Variants in FAP observed in about 807,000 individuals in gnomAD.
The protein encoded by FAP is fibroblast activation protein alpha.
In FAP, 110 loss-of-function variants were observed where a neutral mutation model predicts 126.5. The ratio of observed to expected loss-of-function variants is 0.87; its 90% CI spans 0.74 to 1.02. The LOEUF (loss-of-function observed/expected upper bound fraction) is 1.02. Among genes scored for constraint, FAP ranks in the 50% least tolerant of loss-of-function variants. FAP has a pLI of 0.00. For missense variants in FAP, 919 were observed against 909.2 expected, an observed-to-expected ratio of 1.01 and a Z score of -0.14; for synonymous variants, 334 against 297.3, an observed-to-expected ratio of 1.12 and a Z score of -1.27.
chr2:162,196,587 G>A (rs551988098), intron 16 of FAP, among the ~76,000 whole-genome samples: 2 of 150,700 alleles, frequency 1.3e-5, no homozygotes, highest in Non-Finnish European at 2.9e-5. Flanking sequence ...ACTGGATGAA[G>A]GTGTGATCCT....
At chr2:162,201,831 G>C (rs966900458) in intron 14 of FAP, among the ~76,000 whole-genome samples, 1 of 152,252 alleles carries the variant, frequency 6.6e-6, no homozygotes, top group East Asian at 1.9e-4. Flanking sequence ...TCTAGTTCAG[G>C]CCTCTTATGA....
At chr2:162,187,358 T>C (rs1687897599) in intron 20 of FAP, among the ~76,000 whole-genome samples, 1 of 152,094 alleles carries the variant, frequency 6.6e-6, no homozygotes, top group Non-Finnish European at 1.5e-5. Flanking sequence ...TGCACATATA[T>C]TCACGACTGA....
intron 21 of FAP, among the ~76,000 whole-genome samples, chr2:162,180,381 G>A (rs1378842715): frequency 3.3e-5 from 5 of 152,102 alleles, no homozygotes; most frequent in Non-Finnish European, 7.3e-5. Context: ...CGAAACCTGT[G>A]GTCCATGGAC....
chr2:162,236,575 T>C (rs1690140564), intron 2 of FAP, among the ~76,000 whole-genome samples: 1 of 152,010 alleles, frequency 6.6e-6, no homozygotes, highest in Admixed American at 6.6e-5. Context: ...CCTATTTCAA[T>C]GTGCCTATTT....
At chr2:162,175,864 G>A (rs556640821) in intron 21 of FAP, 2 of 152,262 alleles carry the variant, frequency 1.3e-5, no homozygotes, top group Non-Finnish European at 2.9e-5. Flanking sequence ...CAAACATGCT[G>A]TGAGAGAGGT....
intron 2 of FAP, among the ~76,000 whole-genome samples, chr2:162,233,834 A>G (rs551025500): frequency 1.3e-5 from 2 of 152,172 alleles, no homozygotes; most frequent in African/African-American, 2.4e-5. Flanking sequence ...TAAGAGTTTT[A>G]TAGTTTTTAG....
chr2:162,185,657 T>C (rs899349268), intron 20 of FAP, among the ~76,000 whole-genome samples: 1 of 152,172 alleles, frequency 6.6e-6, no homozygotes, highest in East Asian at 1.9e-4. Context: ...TTGAGTAGTA[T>C]TTACTGTTGT....
chr2:162,215,938 C>A lies in FAP; in HGVS notation c.826G>T (p.Gly276Cys). ...IIDTTYPAYVGPQEVPVPAMI... is the reference protein window; with the variant it reads ...IIDTTYPAYVCPQEVPVPAMI... ...GCTGGAACAGGCACTTCCTGGGGAC[C>A]TACATACGCAGGGTAAGTGGTATCG... Residue 276 changes from glycine (G) to cysteine (C), a missense_variant, in exon 10 of 26, where the codon GGT (glycine) becomes TGT (cysteine). Gly to Cys is a radical substitution (Grantham distance 159, BLOSUM62 -3). Coordinates refer to ENST00000188790, the MANE Select transcript of FAP (RefSeq NM_004460.5). 6.2e-7 allele frequency: 1 copy of A among 1,614,012 alleles called. No individual in the cohort carries two copies. Among genetic ancestry groups the A allele is most frequent in the Admixed American group, 1.7e-5 (1 of 60,018 alleles).
rs751469886 is a variant in FAP at position 162,203,114 on chromosome 2, T to A, written c.1079A>T (p.Asp360Val). 6.2e-7 allele frequency: 1 copy of A among 1,613,190 alleles called. No homozygotes were observed. Among genetic ancestry groups the A allele is most frequent in the East Asian group, 2.2e-5 (1 of 44,856 alleles). The change falls in exon 13 of 26, where the codon GAT becomes GTT. Residue 360 changes from aspartate to valine, a missense_variant. Transcript: ENST00000188790. ...FFVSTPVFSY[D>V]AISYYKIFSD... ...AAATATTTTGTAGTACGAAATGGCA[T>A]CATAGCTGAAAACTGGTGTTGAAAC...
intron 21 of FAP, among the ~76,000 whole-genome samples, chr2:162,178,023 C>T (rs1199994609): frequency 6.6e-6 from 1 of 152,138 alleles, no homozygotes; most frequent in East Asian, 1.9e-4. Flanking sequence ...AACCCATGCC[C>T]CTTCCTCTGT....
At chr2:162,224,593 G>GGTTCTTTGT in intron 4 of FAP, 53 bp from the exon 5 acceptor site, 1 of 1,112,072 alleles carries the variant, frequency 9.0e-7, no homozygotes, top group African/African-American at 1.6e-5. Context: ...AAAGAACCAT[G>GGTTCTTTGT]TAAATTTGTA....
chr2:162,181,066 G>C (rs1242128185), intron 21 of FAP, among the ~76,000 whole-genome samples: 1 of 152,130 alleles, frequency 6.6e-6, no homozygotes, highest in Non-Finnish European at 1.5e-5. Context: ...CTTGAGCCTA[G>C]GGGTTTGAGA....
intron 2 of FAP, among the ~76,000 whole-genome samples, chr2:162,226,943 A>G (rs1689679133): frequency 6.6e-6 from 1 of 152,252 alleles, no homozygotes; most frequent in Non-Finnish European, 1.5e-5. Context: ...AAGAGTTGTC[A>G]AGGTTTTCCA....
intron 21 of FAP, among the ~76,000 whole-genome samples, chr2:162,177,957 C>T (rs1047495111): frequency 1.1e-4 from 17 of 152,158 alleles, no homozygotes; most frequent in Non-Finnish European, 1.5e-4. Context: ...CTTATAGTGG[C>T]TATGGAGTCA....
chr2:162,215,178 C>T (rs1279787348), intron 10 of FAP, among the ~76,000 whole-genome samples: 2 of 152,138 alleles, frequency 1.3e-5, no homozygotes, highest in Non-Finnish European at 2.9e-5. Context: ...GGTTCTTTTC[C>T]CTATTAGTGA....
At chr2:162,212,970 T>G (rs1689004898) in intron 11 of FAP, among the ~76,000 whole-genome samples, 1 of 152,196 alleles carries the variant, frequency 6.6e-6, no homozygotes. Flanking sequence ...TTTAAAGGCT[T>G]TTTCTGCCCA....
intron 19 of FAP, among the ~76,000 whole-genome samples, chr2:162,188,870 T>C (rs1231298865): frequency 1.3e-5 from 2 of 152,088 alleles, no homozygotes; most frequent in Non-Finnish European, 2.9e-5. Context: ...CAAATTGCCA[T>C]ACAAAGGAAA....
chr2:162,228,985 A>T (rs1429892572), intron 2 of FAP, among the ~76,000 whole-genome samples: 3 of 152,178 alleles, frequency 2.0e-5, no homozygotes, highest in Non-Finnish European at 2.9e-5. Flanking sequence ...AAATGTATAA[A>T]GTCCATTTAC....
chr2:162,194,574 G>A (rs1688171905), intron 17 of FAP, 127 bp downstream of exon 17: 2 of 762,898 alleles, frequency 2.6e-6, no homozygotes, highest in Non-Finnish European at 4.6e-6. Context: ...AATAAGTGAT[G>A]TGATAACAGG....
Sources: allele counts gnomAD v4.1 joint callset (sites outside exome capture counted in the v4.1 genomes callset), GRCh38; gene constraint gnomAD v4.1.1; transcripts MANE v1.5; gene names NCBI Gene and HGNC (gene_info 2026-07-23, HGNC 2026-07-21).